Variants in PAPLN observed in about 807,000 individuals in gnomAD.
The protein encoded by PAPLN is papilin, proteoglycan like sulfated glycoprotein, also known as papilin.
PAPLN carries 146 observed loss-of-function variants against 159.0 expected under a neutral mutation model. The ratio of observed to expected loss-of-function variants is 0.92; its 90% CI spans 0.80 to 1.05. The LOEUF is 1.05. Among genes scored for constraint, PAPLN ranks in the 50% least tolerant of loss-of-function variants. The pLI is 0.00. For synonymous variants in PAPLN, 734 were observed against 702.9 expected (o/e 1.04, Z -0.70); for missense variants, 1,720 against 1,743.9 (o/e 0.99, Z 0.24).
intron 1 of PAPLN, chr14:73,239,481 A>G (rs1883302582): frequency 7.1e-6 from 3 of 424,576 alleles, no homozygotes; most frequent in East Asian, 8.2e-5. Flanking sequence ...ACCACATAGA[A>G]GTATTTTTAA....
chr14:73,252,892 C>G (rs1290495950), intron 11 of PAPLN, 117 bp downstream of exon 11: 1 of 1,488,752 alleles, frequency 6.7e-7, no homozygotes, highest in Non-Finnish European at 9.0e-7. Flanking sequence ...CAGGGCCCCC[C>G]ACGCTGTGGC....
At position 73,262,444 on chromosome 14, in the gene PAPLN, C is replaced by A. The variant is rs760044845; in HGVS notation, c.2340C>A (p.Asn780Lys). The A allele has an allele frequency of 7.4e-5, 119 of 1,613,666 alleles. 1 individual carries two copies. The East Asian group carries it at 1.7e-3, about 23-fold the overall frequency. ...WYFVASVGQCNRFWYGGCHGN... is the reference protein window; with the variant it reads ...WYFVASVGQCKRFWYGGCHGN... ...TCGTTGCCTCTGTGGGCCAATGTAA[C>A]CGCTTCTGGTATGGCGGCTGCCATG... The change falls in exon 19 of 27, where the codon AAC becomes AAA. Residue 780 changes from asparagine (N) to lysine (K), a missense_variant. By Grantham distance (94) the Asn-to-Lys change is moderately conservative (BLOSUM62 0). Coordinates refer to ENST00000644200, the MANE Select transcript of PAPLN (RefSeq NM_001365906.3).
intron 20 of PAPLN, 148 bp downstream of exon 20, chr14:73,263,930 C>G: frequency 7.8e-7 from 1 of 1,282,532 alleles, no homozygotes; most frequent in Non-Finnish European, 1.1e-6. Context: ...GCCCCCCTAC[C>G]CCCTCTGACA....
Position 73,262,546 on chromosome 14 carries a change from C to T in PAPLN, c.2442C>T (p.Pro814=). The stretch of plus-strand genomic sequence containing the variant: ...GATCTCTCCATGGGCCCCGTCGTCC[C>T]CAGCCTGGGGCTTCTGGAAGGAGCA... ...CQGSLHGPRR[P]QPGASGRSTH... The change falls in exon 19 of 27, where the codon CCC becomes CCT. Residue 814 remains proline, a synonymous_variant. Transcript: ENST00000644200. The T allele has an allele frequency of 6.4e-7, 1 of 1,569,210 alleles. No homozygotes were observed. The highest frequency in any genetic ancestry group is 1.4e-5 in the African/African-American group (1 of 74,020).
rs745592095 is a variant in PAPLN, at chr14:73,264,592, TGA to T, written c.2992_2993del (p.Asp998HisfsTer6). 3.8e-6 allele frequency: 6 copies of T among 1,597,200 alleles called. No homozygotes were observed. In the South Asian group the frequency reaches 6.8e-5, roughly 18 times the overall value. ...TTTCTCCTGGCCTCATGACAGGGGG[TGA>T]CATGGCCGTGCTGTCTGAGGCTGAG... The part of the protein sequence containing the change: ...QKIQLRIIGG[D>X]MAVLSEAELS... On this transcript the variant is annotated frameshift_variant, in exon 22 of 27. Transcript: ENST00000644200. LOFTEE classifies it high-confidence loss of function.
intron 3 of PAPLN, 89 bp downstream of exon 3, chr14:73,244,848 C>A (rs185732435): frequency 2.0e-6 from 2 of 1,018,898 alleles, no homozygotes; most frequent in East Asian, 2.7e-5. Context: ...GTGGCCTAGG[C>A]TAGCACTGGC....
Position 73,246,074 on chromosome 14 carries a change from G to A in PAPLN, c.233G>A (p.Ser78Asn). The A allele has an allele frequency of 6.5e-7, 1 of 1,547,332 alleles. No homozygotes were observed. ...ARSHRSCRTE[S>N]CPDGARDFRA... ...CCCGACTTCCCCTCCGCCCCGCAGA[G>A]CTGCCCCGACGGCGCCCGGGACTTC... is the stretch of plus-strand genomic sequence containing the variant. Residue 78 changes from serine (S) to asparagine (N), a missense_variant and splice_region_variant, in exon 5 of 27, where the codon AGC (serine) becomes AAC (asparagine). Physicochemically the swap from Ser to Asn is conservative, Grantham distance 46. Transcript: ENST00000644200.
Position 73,244,740 on chromosome 14 carries a change from C to T in PAPLN, c.151C>T (p.Arg51Cys), listed in dbSNP as rs752142488. 1.0e-4 allele frequency: 165 copies of T among 1,573,752 alleles called. No individual in the cohort carries two copies. The highest frequency in any genetic ancestry group is 1.5e-4 in the Admixed American group (8 of 54,342). ...TGGAGGGGGTGTCAGCTTCCGGGAG[C>T]GCCCCTGCTACTCCCAGAGGTAGGA... ...TCGGGVSFRERPCYSQRRDGG... is the reference protein window; with the variant it reads ...TCGGGVSFRECPCYSQRRDGG... The change falls in exon 3 of 27, where the codon CGC (arginine) becomes TGC (cysteine). Residue 51 changes from arginine to cysteine, a missense_variant. Arg to Cys is a radical substitution (Grantham distance 180, BLOSUM62 -3). Transcript: ENST00000644200.
chr14:73,261,307 C>T lies in PAPLN; in HGVS notation c.2245+13C>T, dbSNP rs1324765389. 3.1e-6 allele frequency: 5 copies of T among 1,612,370 alleles called. No homozygotes were observed. The South Asian group carries it at 4.4e-5, about 14-fold the overall frequency. ...CAGCCCAGCCATGGTGAGTGGACAC[C>T]CCCTCTCCTCCTTCTCGATGGGTAG... On this transcript the variant is annotated intron_variant, in intron 18 of 26. Transcript: ENST00000644200.
intron 18 of PAPLN, 56 bp from the exon 19 acceptor site, chr14:73,262,294 G>A: frequency 6.7e-7 from 1 of 1,492,844 alleles, no homozygotes; most frequent in Non-Finnish European, 9.1e-7. Flanking sequence ...GAGGATGGAG[G>A]GTGCAGCTTT....
intron 14 of PAPLN, among the ~76,000 whole-genome samples, chr14:73,258,633 A>AAAAAAAT (rs1886197388): frequency 1.3e-5 from 2 of 150,280 alleles, no homozygotes; most frequent in Non-Finnish European, 3.0e-5. Context: ...AAAAAAAAAA[A>AAAAAAAT]AAAAAGTAGT....
chr14:73,253,919 C>G lies in PAPLN; in HGVS notation c.1260C>G (p.Asn420Lys). 4 of 1,613,128 alleles carry G rather than the reference C, an allele frequency of 2.5e-6. No homozygotes were observed. Among genetic ancestry groups the G allele is most frequent in the Non-Finnish European group, 3.4e-6 (4 of 1,179,902 alleles). Residue 420 changes from asparagine to lysine, a missense_variant, in exon 12 of 27, where the codon AAC becomes AAG. Asn to Lys is a moderately conservative substitution (Grantham distance 94). Coordinates refer to ENST00000644200, the MANE Select transcript of PAPLN (RefSeq NM_001365906.3). Reference protein sequence around the residue: ...PGKPPAIQACNLQRCAAWSPE... With the variant: ...PGKPPAIQACKLQRCAAWSPE... ...AGCCCCCTGCCATTCAGGCCTGTAA[C>G]CTGCAGCGCTGTGCAGCCTGGAGCC...
chr14:73,264,141 A>C (rs2140296318), intron 20 of PAPLN, 70 bp from the exon 21 acceptor site: 1 of 1,604,546 alleles, frequency 6.2e-7, no homozygotes, highest in East Asian at 2.2e-5. Flanking sequence ...ACGAGCACCG[A>C]GGCGGAGGGA....
At position 73,249,987 on chromosome 14, in the gene PAPLN, C is replaced by T. The variant is rs747169963; in HGVS notation, c.338C>T (p.Pro113Leu). The T allele has an allele frequency of 6.2e-7, 1 of 1,605,058 alleles. No homozygotes were observed. Among genetic ancestry groups the T allele is most frequent in the South Asian group, 1.1e-5 (1 of 89,508 alleles). ...CTTGCCTTCCTGCCCACCCCAGCCC[C>T]AAACAAGTGTGAACTGAACTGCATT... ...RYRWLPYYSA[P>L]NKCELNCIPK... The change falls in exon 6 of 27, where the codon CCA becomes CTA. Residue 113 changes from proline (P) to leucine (L), a missense_variant. By Grantham distance (98) the Pro-to-Leu change is moderately conservative. Transcript: ENST00000644200.
At position 73,237,598 on chromosome 14, in the gene PAPLN, G is replaced by A. The variant is rs894854692; in HGVS notation, c.-7+6G>A. On this transcript the variant is annotated splice_donor_region_variant and intron_variant, in intron 1 of 26. Transcript: ENST00000644200. ...CCCGGCGCCAGCGAAGACAGGTAGG[G>A]AGGCGGAGGGACTGGAAGCCCCCGG... The A allele has an allele frequency of 2.6e-5, 4 of 152,192 alleles. No homozygotes were observed. The highest frequency in any genetic ancestry group is 9.7e-5 in the African/African-American group (4 of 41,446). 9.4% of individuals were successfully genotyped at this position (152,192 alleles called of 1,614,324 possible). A position where few individuals can be genotyped will look rare whatever the true frequency, so the allele number is the denominator to read the frequency against.
chr14:73,264,758 C>A, intron 22 of PAPLN, 32 bp downstream of exon 22: 1 of 1,610,548 alleles, frequency 6.2e-7, no homozygotes, highest in South Asian at 1.1e-5. Flanking sequence ...CTTGCCCTCC[C>A]CCACGCCAGG....
intron 2 of PAPLN, among the ~76,000 whole-genome samples, chr14:73,240,531 C>T (rs190298482): frequency 1.3e-5 from 2 of 152,290 alleles, no homozygotes; most frequent in East Asian, 1.9e-4. Context: ...TAACCTCCAC[C>T]TCCTGGGTTC....
chr14:73,242,615 C>T (rs1387840151), intron 2 of PAPLN: 2 of 152,226 alleles, frequency 1.3e-5, no homozygotes, highest in African/African-American at 4.8e-5. Context: ...GCTCAACACT[C>T]AGTGTCTTCC....
At chr14:73,241,787 G>GGTGGC (rs1883571987) in intron 2 of PAPLN, among the ~76,000 whole-genome samples, 1 of 152,278 alleles carries the variant, frequency 6.6e-6, no homozygotes. Context: ...AATGAATAAA[G>GGTGGC]GTGGCGGCCT....
Sources: gnomAD v4.1 joint callset for allele counts (sites outside exome capture counted in the v4.1 genomes callset) on GRCh38, gnomAD v4.1.1 for gene constraint, MANE v1.5 for transcripts, NCBI Gene and HGNC (gene_info 2026-07-23, HGNC 2026-07-21) for gene names.